Variants in ANTXR2 observed in about 807,000 individuals in gnomAD.
ANTXR2 encodes anthrax toxin receptor 2.
Under a neutral mutation model 73.7 loss-of-function variants are expected in ANTXR2, and 44 were observed. The ratio of observed to expected loss-of-function variants is 0.60; its 90% CI spans 0.47 to 0.77. The LOEUF is 0.77. Among genes scored for constraint, ANTXR2 ranks in the 30% least tolerant of loss-of-function variants. The pLI, the probability that ANTXR2 is intolerant of heterozygous loss-of-function variation, is 0.00. For synonymous variants in ANTXR2, 217 were observed against 205.9 expected (o/e 1.05, Z -0.46); for missense variants, 604 against 592.5 (o/e 1.02, Z -0.20).
chr4:79,904,412 T>C lies in ANTXR2; in HGVS notation c.*3017A>G, dbSNP rs1726828986. ...TCCCTAGTCAATGGAGGGTCTCAAA[T>C]TTTACTCTGCATCTCATTGGGAAGG... is the stretch of plus-strand genomic sequence containing the variant. On this transcript the variant is annotated 3_prime_UTR_variant, in exon 17 of 17. Transcript: ENST00000403729. The C allele has an allele frequency of 6.6e-6, 1 of 152,068 alleles. No individual in the cohort carries two copies. The highest frequency in any genetic ancestry group is 1.9e-4 in the East Asian group (1 of 5,190). 9.4% of individuals were successfully genotyped at this position (152,068 alleles called of 1,614,324 possible). A position where few individuals can be genotyped will look rare whatever the true frequency, so the allele number is the denominator to read the frequency against.
chr4:80,047,274 T>C (rs1419947416), intron 7 of ANTXR2, among the ~76,000 whole-genome samples: 2 of 151,712 alleles, frequency 1.3e-5, no homozygotes, highest in African/African-American at 4.8e-5. Flanking sequence ...CTTTGGACAG[T>C]AGAGGCCAAA....
intron 16 of ANTXR2, among the ~76,000 whole-genome samples, chr4:79,961,204 T>C (rs759321286): frequency 6.6e-6 from 1 of 151,908 alleles, no homozygotes; most frequent in Non-Finnish European, 1.5e-5. Flanking sequence ...TATTAGAAAT[T>C]ATAGTAATTT....
chr4:79,929,285 C>A (rs544108506), intron 16 of ANTXR2, among the ~76,000 whole-genome samples: 34 of 152,104 alleles, frequency 2.2e-4, no homozygotes, highest in Non-Finnish European at 4.6e-4. Context: ...GAGGACAAGG[C>A]GGGTGAATCA....
intron 12 of ANTXR2, among the ~76,000 whole-genome samples, chr4:79,993,197 A>G (rs1730555043): frequency 6.6e-6 from 1 of 151,988 alleles, no homozygotes; most frequent in Admixed American, 6.6e-5. Flanking sequence ...GGAAGTAAGG[A>G]AAAAGAGAAG....
intron 16 of ANTXR2, among the ~76,000 whole-genome samples, chr4:79,953,221 T>C (rs1351368227): frequency 2.6e-5 from 4 of 152,178 alleles, no homozygotes; most frequent in African/African-American, 9.7e-5. Flanking sequence ...CTAACGTACC[T>C]GAAGAGATAT....
At chr4:80,059,339 G>GT (rs1560428492) in intron 3 of ANTXR2, among the ~76,000 whole-genome samples, 1 of 151,692 alleles carries the variant, frequency 6.6e-6, no homozygotes, top group South Asian at 2.1e-4. Context: ...TATATATGGT[G>GT]TTTTCCTCGC....
Position 80,020,004 on chromosome 4 carries a change from G to A in ANTXR2, c.867-1028C>T, listed in dbSNP as rs1022225142. Among the ~76,000 whole-genome samples the A allele has an allele frequency of 2.0e-5, 3 of 152,054 alleles. No homozygotes were observed. In the South Asian group the frequency reaches 6.2e-4, roughly 32 times the overall value. ...TCAAAAGGGAAAAAAATGACAAGAG[G>A]GTTTGTATGGAAAGAGCTCTTTTCC... is the stretch of plus-strand genomic sequence containing the variant. On this transcript the variant is annotated intron_variant, in intron 10 of 16. Transcript: ENST00000403729.
intron 16 of ANTXR2, among the ~76,000 whole-genome samples, chr4:79,914,408 T>G (rs2109933455): frequency 6.6e-6 from 1 of 152,292 alleles, no homozygotes; most frequent in Admixed American, 6.5e-5. Context: ...TGACTATTTT[T>G]TTTCTCAATA....
chr4:79,976,440 C>T (rs1437386540), intron 16 of ANTXR2, among the ~76,000 whole-genome samples: 1 of 148,504 alleles, frequency 6.7e-6, no homozygotes, highest in African/African-American at 2.6e-5. Flanking sequence ...GACCAGGGTG[C>T]CATGTCAGTT....
intron 16 of ANTXR2, among the ~76,000 whole-genome samples, chr4:79,915,455 T>A (rs904423228): frequency 2.0e-5 from 3 of 152,278 alleles, no homozygotes; most frequent in African/African-American, 7.2e-5. Context: ...GCTATAACTG[T>A]TATAGTATTA....
chr4:79,974,127 T>C (rs1001956081), intron 16 of ANTXR2, among the ~76,000 whole-genome samples: 1 of 152,194 alleles, frequency 6.6e-6, no homozygotes, highest in African/African-American at 2.4e-5. Flanking sequence ...AGCTTTAACA[T>C]ACTAATGACA....
intron 7 of ANTXR2, among the ~76,000 whole-genome samples, chr4:80,037,139 T>C (rs1382385817): frequency 6.6e-6 from 1 of 152,198 alleles, no homozygotes; most frequent in African/African-American, 2.4e-5. Flanking sequence ...TGCTCTGCAC[T>C]ATATTATCAG....
chr4:79,965,995 A>G (rs974158699), intron 16 of ANTXR2, among the ~76,000 whole-genome samples: 3 of 152,140 alleles, frequency 2.0e-5, no homozygotes, highest in African/African-American at 7.2e-5. Context: ...GACATTAGGG[A>G]TGTAAATTTG....
intron 16 of ANTXR2, among the ~76,000 whole-genome samples, chr4:79,926,383 T>C (rs921514280): frequency 6.6e-6 from 1 of 152,116 alleles, no homozygotes. Context: ...AATCCTACCA[T>C]TTCACAAACT....
At chr4:80,024,994 T>C (rs1007173228) in intron 10 of ANTXR2, among the ~76,000 whole-genome samples, 3 of 152,340 alleles carry the variant, frequency 2.0e-5, no homozygotes, top group African/African-American at 7.2e-5. Context: ...CTACACTGTT[T>C]AATATTTCTT....
At chr4:79,954,495 A>C (rs1728818714) in intron 16 of ANTXR2, among the ~76,000 whole-genome samples, 1 of 152,186 alleles carries the variant, frequency 6.6e-6, no homozygotes, top group South Asian at 2.1e-4. Context: ...CTGTAGTTCT[A>C]GCTACTCAGG....
At chr4:80,003,038 T>C (rs1338788784) in intron 12 of ANTXR2, among the ~76,000 whole-genome samples, 1 of 147,916 alleles carries the variant, frequency 6.8e-6, no homozygotes, top group Non-Finnish European at 1.5e-5. Flanking sequence ...AAATACCATT[T>C]GACCCAGCCA....
intron 16 of ANTXR2, among the ~76,000 whole-genome samples, chr4:79,924,543 T>C (rs1454560788): frequency 2.0e-5 from 3 of 152,076 alleles, no homozygotes; most frequent in African/African-American, 7.2e-5. Flanking sequence ...CCAATTTCAA[T>C]TACTATAGCA....
chr4:80,059,231 A>G (rs930937833), intron 3 of ANTXR2, among the ~76,000 whole-genome samples: 1 of 152,056 alleles, frequency 6.6e-6, no homozygotes, highest in African/African-American at 2.4e-5. Flanking sequence ...TGTTATATTA[A>G]AGCCCTGGTT....
Sources: gnomAD v4.1 joint callset for allele counts (sites outside exome capture counted in the v4.1 genomes callset) on GRCh38, gnomAD v4.1.1 for gene constraint, MANE v1.5 for transcripts, NCBI Gene and HGNC (gene_info 2026-07-23, HGNC 2026-07-21) for gene names.